Variants in FRMD7 observed in about 807,000 individuals in gnomAD.
FRMD7 encodes the protein FERM domain-containing protein 7.
A neutral mutation model predicts 44.1 loss-of-function variants in FRMD7; 14 were observed. The observed-to-expected ratio is 0.32, with a 90% CI of 0.21 to 0.50. FRMD7 has a LOEUF of 0.50. Ranked by LOEUF, FRMD7 falls within the 20% of genes least tolerant of loss-of-function variation. The probability of loss-of-function intolerance (pLI) is 0.99; values close to 1 mark genes in which losing one functional copy is unlikely to be tolerated. For synonymous variants in FRMD7, 212 were observed against 187.4 expected, an observed-to-expected ratio of 1.13 and a Z score of -1.07; for missense variants, 501 against 522.3, an observed-to-expected ratio of 0.96 and a Z score of 0.40.
chrX:132,104,635 G>A (rs1928598028), intron 1 of FRMD7, among the ~76,000 whole-genome samples: 1 of 111,751 alleles, frequency 8.9e-6, no homozygotes, highest in African/African-American at 3.3e-5. Context: ...GGAGCTTGCA[G>A]TGAGCTGAAA....
chrX:132,124,952 C>T (rs1371381185), intron 1 of FRMD7, among the ~76,000 whole-genome samples: 2 of 111,850 alleles, frequency 1.8e-5, no homozygotes, highest in Admixed American at 1.9e-4. Flanking sequence ...TAAAAGGTCT[C>T]AATGCCATGG....
At chrX:132,110,600 C>T (rs747425801) in intron 1 of FRMD7, among the ~76,000 whole-genome samples, 15 of 111,332 alleles carry the variant, frequency 1.3e-4, no homozygotes, top group African/African-American at 4.9e-4. Context: ...GTTTCTTTAC[C>T]AATTGGCCCA....
At chrX:132,090,367 T>TC (rs1928130577) in intron 5 of FRMD7, among the ~76,000 whole-genome samples, 1 of 111,783 alleles carries the variant, frequency 8.9e-6, no homozygotes, top group African/African-American at 3.3e-5. Context: ...GGAATACTGC[T>TC]CAGCAAAAGA....
At position 132,078,044 on chromosome X, in the gene FRMD7, A is replaced by G. The variant is rs749522497; in HGVS notation, c.1973T>C (p.Leu658Pro). ...SESSDSESEI[L>P]KPDYYALYGK... is the part of the protein sequence containing the mutation. Reference sequence around the variant, plus strand: ...ATACAAAGCATAGTAGTCTGGTTTAAGAATCTCTGATTCAGAATCACTGGA... The same window carrying G: ...ATACAAAGCATAGTAGTCTGGTTTAGGAATCTCTGATTCAGAATCACTGGA... The change falls in exon 12 of 12, where the codon CTT becomes CCT. Residue 658 changes from leucine (L) to proline (P), a missense_variant. Around this residue, in one of 3 missense-constraint regions of FRMD7, gnomAD observed 453 missense variants for 452.7 expected, o/e 1.00. Transcript: ENST00000298542. 2.5e-6 allele frequency: 3 copies of G among 1,209,323 alleles called. No homozygotes were observed. The highest frequency in any genetic ancestry group is 3.5e-5 in the African/African-American group (2 of 57,100).
intron 2 of FRMD7, 92 bp downstream of exon 2, chrX:132,100,520 T>G: frequency 1.6e-6 from 1 of 619,507 alleles, no homozygotes; most frequent in South Asian, 2.3e-5. Flanking sequence ...TTTTCATTTT[T>G]CAATCAGGGA....
At chrX:132,115,759 C>T (rs142074697) in intron 1 of FRMD7, among the ~76,000 whole-genome samples, 14 of 111,522 alleles carry the variant, frequency 1.3e-4, no homozygotes, top group African/African-American at 3.9e-4. Context: ...TTCTCAATGT[C>T]GAATTTGACA....
At chrX:132,079,228 C>CA (rs1927729733) in intron 11 of FRMD7, among the ~76,000 whole-genome samples, 1 of 112,157 alleles carries the variant, frequency 8.9e-6, no homozygotes, top group South Asian at 3.7e-4. Context: ...GTATACACTA[C>CA]AAGCAGTTTG....
chrX:132,081,492 G>A (rs1203596134), intron 9 of FRMD7, among the ~76,000 whole-genome samples: 1 of 113,163 alleles, frequency 8.8e-6, no homozygotes, highest in Non-Finnish European at 1.9e-5. Context: ...AAGATCATAT[G>A]TGATGTTTAT....
intron 1 of FRMD7, 100 bp downstream of exon 1, chrX:132,127,688 G>C (rs2124045790): frequency 1.5e-6 from 1 of 664,725 alleles, no homozygotes; most frequent in East Asian, 3.2e-5. Flanking sequence ...CCTTCATTCA[G>C]TCCTAAAGAA....
chrX:132,112,228 C>T (rs1928795001), intron 1 of FRMD7, among the ~76,000 whole-genome samples: 1 of 111,755 alleles, frequency 8.9e-6, no homozygotes, highest in Non-Finnish European at 1.9e-5. Flanking sequence ...GTAACCCTTC[C>T]TGGGGTTTTA....
At chrX:132,098,856 A>C (rs1363737243) in intron 3 of FRMD7, among the ~76,000 whole-genome samples, 3 of 109,602 alleles carry the variant, frequency 2.7e-5, no homozygotes, top group Non-Finnish European at 5.7e-5. Flanking sequence ...AGTAAAAGAG[A>C]CATTAAAACA....
intron 1 of FRMD7, among the ~76,000 whole-genome samples, chrX:132,107,235 T>C (rs1179822596): frequency 8.9e-6 from 1 of 112,043 alleles, no homozygotes; most frequent in Non-Finnish European, 1.9e-5. Context: ...TTCTAAATGT[T>C]AAAAGCATAG....
intron 1 of FRMD7, among the ~76,000 whole-genome samples, chrX:132,121,318 G>C (rs188632322): frequency 1.8e-5 from 2 of 111,186 alleles, no homozygotes; most frequent in Admixed American, 1.9e-4. Context: ...TATGACTTTG[G>C]GTAAGTCAAC....
intron 1 of FRMD7, among the ~76,000 whole-genome samples, chrX:132,101,902 C>T (rs1260460808): frequency 9.0e-6 from 1 of 111,455 alleles, no homozygotes; most frequent in East Asian, 2.8e-4. Context: ...ATTGCTGTTG[C>T]AGGGAGGACC....
Position 132,086,010 on chromosome X carries a change from T to C in FRMD7, c.407A>G (p.Glu136Gly). 1 of 1,195,992 alleles carries C rather than the reference T, an allele frequency of 8.4e-7. No individual in the cohort carries two copies. The highest frequency in any genetic ancestry group is 1.7e-5 in the African/African-American group (1 of 57,528). Reference protein sequence around the residue: ...LQSELGDFHEETDRKHLAQTR... With the variant: ...LQSELGDFHEGTDRKHLAQTR... ...TTGTGCCAGATGCTTCCTATCTGTTTCTTCATGAAAGTCTCCAAGTTCTGC... is the reference window on the plus strand; with the variant it reads ...TTGTGCCAGATGCTTCCTATCTGTTCCTTCATGAAAGTCTCCAAGTTCTGC... Residue 136 changes from glutamate to glycine, a missense_variant, in exon 6 of 12, where the codon GAA becomes GGA. Around this residue, in one of 3 missense-constraint regions of FRMD7, gnomAD observed 453 missense variants for 452.7 expected, o/e 1.00. Transcript: ENST00000298542.
chrX:132,124,582 A>T (rs1379754698), intron 1 of FRMD7, among the ~76,000 whole-genome samples: 3 of 112,115 alleles, frequency 2.7e-5, no homozygotes, highest in Non-Finnish European at 1.9e-5. Context: ...TTTTCAGAGA[A>T]TTTATCTATA....
At chrX:132,124,592 A>G (rs1197116540) in intron 1 of FRMD7, among the ~76,000 whole-genome samples, 1 of 112,298 alleles carries the variant, frequency 8.9e-6, no homozygotes, top group Non-Finnish European at 1.9e-5. Context: ...ATTTATCTAT[A>G]AAATCAACAC....
chrX:132,108,727 G>T (rs1211122205), intron 1 of FRMD7, among the ~76,000 whole-genome samples: 1 of 111,152 alleles, frequency 9.0e-6, no homozygotes, highest in Admixed American at 9.6e-5. Context: ...TGTGTCAAGG[G>T]CGGGACCAGA....
At chrX:132,091,290 T>G (rs1928162480) in intron 5 of FRMD7, among the ~76,000 whole-genome samples, 1 of 110,941 alleles carries the variant, frequency 9.0e-6, no homozygotes. Context: ...TTTAATATGC[T>G]TTTAAGACCT....
Sources: gnomAD v4.1 joint callset for allele counts (sites outside exome capture counted in the v4.1 genomes callset) on GRCh38, gnomAD v4.1.1 for gene constraint, gnomAD v4.1.1 regional missense constraint, MANE v1.5 for transcripts, NCBI Gene and HGNC (gene_info 2026-07-23, HGNC 2026-07-21) for gene names.